Variants in SIL1 observed in about 807,000 individuals in gnomAD.
SIL1 encodes nucleotide exchange factor SIL1.
A neutral mutation model predicts 49.1 loss-of-function variants in SIL1; 40 were observed. The ratio of observed to expected loss-of-function variants is 0.81; its 90% CI spans 0.63 to 1.06. The LOEUF is 1.06. SIL1 is among the 50% of genes least tolerant of loss of function. SIL1 has a pLI of 0.00. For synonymous variants in SIL1, 253 were observed against 250.8 expected (o/e 1.01, Z -0.08); for missense variants, 500 against 572.6 (o/e 0.87, Z 1.29).
chr5:138,962,573 C>A (rs1158860796), intron 7 of SIL1, among the ~76,000 whole-genome samples: 3 of 152,164 alleles, frequency 2.0e-5, no homozygotes, highest in African/African-American at 7.2e-5. Context: ...TGGCAAATGC[C>A]AAGCATTAGG....
intron 1 of SIL1, among the ~76,000 whole-genome samples, chr5:139,191,465 T>C (rs1752170366): frequency 1.3e-5 from 2 of 151,684 alleles, no homozygotes; most frequent in Admixed American, 1.3e-4. Context: ...TCCCCAGAGG[T>C]AAAGAAATGT....
chr5:138,997,938 T>A (rs1767905972), intron 7 of SIL1, among the ~76,000 whole-genome samples: 4 of 152,222 alleles, frequency 2.6e-5, no homozygotes, highest in Admixed American at 1.3e-4. Flanking sequence ...TTTGGCTATC[T>A]GGGGTCTTTT....
chr5:138,947,487 C>T lies in SIL1; in HGVS notation c.1030-14G>A, dbSNP rs184154914. The T allele has an allele frequency of 2.3e-4, 366 of 1,611,466 alleles. No homozygotes were observed. In the African/African-American group the frequency reaches 4.2e-3, roughly 19 times the overall value. On this transcript the variant is annotated splice_polypyrimidine_tract_variant and intron_variant, in intron 9 of 9. Coordinates refer to ENST00000394817, the MANE Select transcript of SIL1 (RefSeq NM_022464.5). This position sits in a 1 kb window ranked among gnomAD's most constrained non-coding sequence, Gnocchi z 4.1. ...CTCGGCGAACATCTGCCATCCGCCA[C>T]AGCCGCAGGCCAGGTAGGGTGGGGG...
chr5:139,093,910 A>G (rs1561859359), intron 3 of SIL1: 1 of 152,216 alleles, frequency 6.6e-6, no homozygotes, highest in Non-Finnish European at 1.5e-5. Flanking sequence ...CACATCTGTC[A>G]TGGGCTGAAC....
intron 9 of SIL1, among the ~76,000 whole-genome samples, chr5:138,949,436 C>G (rs929799372): frequency 6.6e-6 from 1 of 152,172 alleles, no homozygotes; most frequent in South Asian, 2.1e-4. Context: ...TGCATGGCAC[C>G]CCTCCATCGT....
intron 7 of SIL1, among the ~76,000 whole-genome samples, chr5:138,981,630 TA>T (rs1433060310): frequency 2.0e-5 from 3 of 152,050 alleles, no homozygotes; most frequent in Non-Finnish European, 4.4e-5. Context: ...CACATGAAAA[TA>T]AAGGCAAGGA....
intron 1 of SIL1, among the ~76,000 whole-genome samples, chr5:139,177,305 T>C (rs1751905708): frequency 6.6e-6 from 1 of 151,912 alleles, no homozygotes; most frequent in Admixed American, 6.6e-5. Context: ...AGTGGCACCA[T>C]CTCGGCTCAC....
At chr5:138,965,195 C>T (rs1166642110) in intron 7 of SIL1, among the ~76,000 whole-genome samples, 2 of 152,188 alleles carry the variant, frequency 1.3e-5, no homozygotes, top group African/African-American at 4.8e-5. Flanking sequence ...CAGTGGGACT[C>T]CTGCCCTTTC....
intron 3 of SIL1, among the ~76,000 whole-genome samples, chr5:139,104,341 CAGGCTGGT>C (rs1460296468): frequency 6.6e-6 from 1 of 152,214 alleles, no homozygotes; most frequent in Non-Finnish European, 1.5e-5. Context: ...CTTGTTCTAA[CAGGCTGGT>C]AGGCCAGAAG....
At chr5:138,984,360 T>TG (rs1767603937) in intron 7 of SIL1, among the ~76,000 whole-genome samples, 1 of 150,834 alleles carries the variant, frequency 6.6e-6, no homozygotes, top group African/African-American at 2.4e-5. Flanking sequence ...TTTTGTTTTT[T>TG]TTTTTTTGAG....
At chr5:139,083,201 G>A (rs1561855380) in intron 3 of SIL1, among the ~76,000 whole-genome samples, 1 of 152,182 alleles carries the variant, frequency 6.6e-6, no homozygotes, top group Non-Finnish European at 1.5e-5. Context: ...AAACTAGGGA[G>A]GTGAAAATTC....
In SIL1 at chr5:139,075,420, C is replaced by T. The variant is rs115699619; in HGVS notation, c.245-24374G>A. Among the ~76,000 whole-genome samples the T allele has an allele frequency of 7.1e-3, 1,087 of 152,282 alleles. 6 individuals are homozygous for T. Among genetic ancestry groups the T allele is most frequent in the Non-Finnish European group, 0.012 (788 of 68,004 alleles). ...GAAAAGCAATAATCCAAGGACTTTTCTGAGTATGTAGCAACCACTGAGATG... is the reference window on the plus strand; with the variant it reads ...GAAAAGCAATAATCCAAGGACTTTTTTGAGTATGTAGCAACCACTGAGATG... On this transcript the variant is annotated intron_variant, in intron 3 of 9. Transcript: ENST00000394817.
chr5:139,057,329 G>GAAAAAAAAA (rs953514942), intron 3 of SIL1, among the ~76,000 whole-genome samples: 1 of 99,984 alleles, frequency 1.0e-5, no homozygotes, highest in African/African-American at 4.2e-5. Flanking sequence ...AAAAAAAAAA[G>GAAAAAAAAA]AAAAGAAAAG....
chr5:138,985,081 T>C (rs538664498), intron 7 of SIL1, among the ~76,000 whole-genome samples: 16 of 152,242 alleles, frequency 1.1e-4, no homozygotes, highest in East Asian at 1.9e-4. Flanking sequence ...CTTATCTCTA[T>C]AGCATCCTAA....
intron 1 of SIL1, among the ~76,000 whole-genome samples, chr5:139,177,002 C>G (rs111860152): frequency 7.5e-6 from 1 of 134,178 alleles, no homozygotes. Flanking sequence ...ACGCAAGCTT[C>G]GCTCACTGCA....
At chr5:138,969,418 T>G (rs1402136195) in intron 7 of SIL1, among the ~76,000 whole-genome samples, 3 of 152,236 alleles carry the variant, frequency 2.0e-5, no homozygotes, top group Admixed American at 6.5e-5. Context: ...CTGCTTTCCT[T>G]TCTGGGACTC....
Position 139,159,764 on chromosome 5 carries a change from A to G in SIL1, c.-10-31911T>C, listed in dbSNP as rs140775276. On this transcript the variant is annotated intron_variant, in intron 1 of 9. Coordinates refer to ENST00000394817, the MANE Select transcript of SIL1 (RefSeq NM_022464.5). The stretch of plus-strand genomic sequence containing the variant: ...CCCCACAGCAGTATATTAGTCCATC[A>G]GGTGCACAGGTGAAGAATACAGAGG... 8.5e-5 allele frequency among the ~76,000 whole-genome samples: 13 copies of G among 152,320 alleles called. No homozygotes were observed. In the East Asian group the frequency reaches 2.5e-3, roughly 29 times the overall value.
intron 7 of SIL1, among the ~76,000 whole-genome samples, chr5:138,992,894 A>T (rs1389215828): frequency 2.0e-5 from 3 of 152,110 alleles, no homozygotes; most frequent in South Asian, 2.1e-4. Flanking sequence ...AATAATAATT[A>T]AAAAAATATA....
chr5:139,156,531 T>C lies in SIL1; in HGVS notation c.-10-28678A>G, dbSNP rs537344810. 8.5e-5 allele frequency among the ~76,000 whole-genome samples: 13 copies of C among 152,244 alleles called. No individual in the cohort carries two copies. The East Asian group carries it at 2.5e-3, about 29-fold the overall frequency. On this transcript the variant is annotated intron_variant, in intron 1 of 9. Transcript: ENST00000394817. Reference sequence around the variant, plus strand: ...GAGGGAATAAGAAAAAAAAAGGATCTTTGCAGATGTTTTTACATTAAGGAA... The same window carrying C: ...GAGGGAATAAGAAAAAAAAAGGATCCTTGCAGATGTTTTTACATTAAGGAA...
Sources: gnomAD v4.1 joint callset for allele counts (sites outside exome capture counted in the v4.1 genomes callset) on GRCh38, gnomAD v4.1.1 for gene constraint, Gnocchi (gnomAD v3.1) non-coding constraint, MANE v1.5 for transcripts, NCBI Gene and HGNC (gene_info 2026-07-23, HGNC 2026-07-21) for gene names.